The following IKBKB variants were observed in gnomAD, a reference collection of about 807,000 sequenced individuals.
The protein encoded by IKBKB is inhibitor of nuclear factor kappa B kinase subunit beta, also known as inhibitor of nuclear factor kappa-B kinase subunit beta.
IKBKB carries 42 observed loss-of-function variants against 113.6 expected under a neutral mutation model. That is an observed-to-expected ratio of 0.37 (90% confidence interval 0.29 to 0.48). The LOEUF (loss-of-function observed/expected upper bound fraction) is 0.48, where lower values mean the gene tolerates loss of function less well. Among genes scored for constraint, IKBKB ranks in the 20% least tolerant of loss-of-function variants. IKBKB has a pLI of 0.99. For missense variants in IKBKB, 673 were observed against 939.7 expected (o/e 0.72, Z 3.71); for synonymous variants, 296 against 361.3 (o/e 0.82, Z 2.05).
chr8:42,281,291 G>T (rs1271597064), intron 2 of IKBKB, among the ~76,000 whole-genome samples: 1 of 152,206 alleles, frequency 6.6e-6, no homozygotes, highest in East Asian at 1.9e-4. Flanking sequence ...GCCAGAAAAG[G>T]AAGTGAGGCT....
intron 8 of IKBKB, among the ~76,000 whole-genome samples, chr8:42,313,565 T>C (rs1345805756): frequency 1.3e-5 from 2 of 152,242 alleles, no homozygotes; most frequent in African/African-American, 2.4e-5. Flanking sequence ...TCTATGTGTG[T>C]GCGTAGGTTT....
intron 2 of IKBKB, among the ~76,000 whole-genome samples, chr8:42,274,847 C>T (rs1251034485): frequency 3.7e-5 from 5 of 136,454 alleles, no homozygotes; most frequent in Non-Finnish European, 4.7e-5. Flanking sequence ...TGGGAACTAC[C>T]GAGCCTGGAC....
At chr8:42,328,957 A>G (rs961149859) in intron 20 of IKBKB, among the ~76,000 whole-genome samples, 167 bp from the exon 21 acceptor site, 2 of 152,254 alleles carry the variant, frequency 1.3e-5, no homozygotes, top group African/African-American at 4.8e-5. Flanking sequence ...AACAAGATGA[A>G]TGAAAGTATT....
At chr8:42,276,158 G>A (rs553402351) in intron 2 of IKBKB, among the ~76,000 whole-genome samples, 1 of 152,232 alleles carries the variant, frequency 6.6e-6, no homozygotes, top group South Asian at 2.1e-4. Flanking sequence ...AGTTTCTCAA[G>A]GAACCTCCAT....
At chr8:42,325,834 G>T (rs886555576) in intron 19 of IKBKB, 136 bp from the exon 20 acceptor site, 89 of 1,491,524 alleles carry the variant, frequency 6.0e-5, no homozygotes, top group Non-Finnish European at 7.4e-5. Context: ...CGCAGGTGGG[G>T]GTGCCAACTG....
chr8:42,274,249 C>G (rs766164826), intron 2 of IKBKB, among the ~76,000 whole-genome samples: 11 of 152,136 alleles, frequency 7.2e-5, no homozygotes, highest in Non-Finnish European at 1.5e-4. Flanking sequence ...ATGCCGGTCT[C>G]AAACTCCTGA....
intron 8 of IKBKB, among the ~76,000 whole-genome samples, chr8:42,312,953 G>T (rs1278231341): frequency 1.3e-5 from 2 of 152,208 alleles, no homozygotes; most frequent in Admixed American, 6.5e-5. Flanking sequence ...CCCTGATTCT[G>T]CTACTCTGTT....
At chr8:42,311,294 G>A (rs1817643666) in intron 8 of IKBKB, among the ~76,000 whole-genome samples, 1 of 152,186 alleles carries the variant, frequency 6.6e-6, no homozygotes, top group South Asian at 2.1e-4. Context: ...CAGGCGTGGT[G>A]GCTCATGCCT....
chr8:42,296,037 A>T (rs1813715188), intron 5 of IKBKB, among the ~76,000 whole-genome samples: 1 of 152,196 alleles, frequency 6.6e-6, no homozygotes, highest in South Asian at 2.1e-4. Context: ...TAAATTCTGT[A>T]GGTTGCTGAT....
At chr8:42,305,865 A>C (rs902322560) in intron 6 of IKBKB, among the ~76,000 whole-genome samples, 11 of 152,234 alleles carry the variant, frequency 7.2e-5, no homozygotes, top group African/African-American at 2.7e-4. Context: ...ACAGTGAATG[A>C]GTTCTTAGAT....
intron 5 of IKBKB, among the ~76,000 whole-genome samples, chr8:42,296,786 A>G (rs1299524895): frequency 6.6e-6 from 1 of 152,188 alleles, no homozygotes; most frequent in Non-Finnish European, 1.5e-5. Flanking sequence ...TCCTTTGCTT[A>G]TTAGCAGTGT....
At chr8:42,325,376 C>T (rs1401795501) in intron 19 of IKBKB, 1 of 985,954 alleles carries the variant, frequency 1.0e-6, no homozygotes, top group East Asian at 1.1e-4. Context: ...GAATACTTTC[C>T]TGTTCTTTTC....
intron 21 of IKBKB, 178 bp from the exon 22 acceptor site, chr8:42,330,736 C>G (rs978787964): frequency 1.2e-6 from 1 of 826,968 alleles, no homozygotes; most frequent in African/African-American, 1.9e-5. Flanking sequence ...TCTCGAACTC[C>G]TGACCTCATG....
intron 2 of IKBKB, among the ~76,000 whole-genome samples, chr8:42,276,502 G>A (rs180940123): frequency 1.3e-5 from 2 of 152,244 alleles, no homozygotes; most frequent in East Asian, 3.9e-4. Context: ...CTTGTTGGAT[G>A]GATAGTTTGC....
Position 42,320,810 on chromosome 8 carries a change from A to G in IKBKB, c.1654A>G (p.Met552Val), listed in dbSNP as rs200018957. ...CATTGTGGACTTACAGAGGAGCCCC[A>G]TGGGCCGGAAGCAGGGGGGAACGCT... ...TDIVDLQRSP[M>V]GRKQGGTLDD... Residue 552 changes from methionine to valine, a missense_variant, in exon 16 of 22, where the codon ATG (methionine) becomes GTG (valine). Met to Val is a conservative substitution (Grantham distance 21). This residue lies in a region of IKBKB where 506 missense variants were observed against 638.7 expected (regional missense o/e 0.79). Coordinates refer to ENST00000520810, the MANE Select transcript of IKBKB (RefSeq NM_001556.3). 1.7e-5 allele frequency: 27 copies of G among 1,606,362 alleles called. No individual in the cohort carries two copies. The South Asian group carries it at 2.4e-4, about 15-fold the overall frequency.
At chr8:42,285,900 A>G (rs1186042476) in intron 2 of IKBKB, among the ~76,000 whole-genome samples, 1 of 152,196 alleles carries the variant, frequency 6.6e-6, no homozygotes, top group African/African-American at 2.4e-5. Context: ...GTGGTTGCCT[A>G]GGACTAGAGG....
chr8:42,297,787 C>G (rs1227658980), intron 5 of IKBKB, among the ~76,000 whole-genome samples: 3 of 152,162 alleles, frequency 2.0e-5, no homozygotes, highest in East Asian at 3.9e-4. Context: ...CCCAGCTACT[C>G]AGGAGACTGA....
At chr8:42,283,704 A>T (rs1055629739) in intron 2 of IKBKB, among the ~76,000 whole-genome samples, 1 of 152,252 alleles carries the variant, frequency 6.6e-6, no homozygotes, top group Non-Finnish European at 1.5e-5. Flanking sequence ...CAGCAGATAG[A>T]ACTGCAAGGA....
At chr8:42,282,664 G>A (rs1810610864) in intron 2 of IKBKB, among the ~76,000 whole-genome samples, 1 of 152,202 alleles carries the variant, frequency 6.6e-6, no homozygotes, top group African/African-American at 2.4e-5. Context: ...CCTTACATGT[G>A]TTTGAGTTCC....
Sources: gnomAD v4.1 joint callset for allele counts (sites outside exome capture counted in the v4.1 genomes callset) on GRCh38, gnomAD v4.1.1 for gene constraint, gnomAD v4.1.1 regional missense constraint, MANE v1.5 for transcripts, NCBI Gene and HGNC (gene_info 2026-07-23, HGNC 2026-07-21) for gene names.